The following ATP11A variants were observed in gnomAD, a reference collection of about 807,000 sequenced individuals.
ATP11A encodes the protein phospholipid-transporting ATPase IH.
In ATP11A, 81 loss-of-function variants were observed where a neutral mutation model predicts 154.4. The ratio of observed to expected loss-of-function variants is 0.52; its 90% CI spans 0.44 to 0.63. The LOEUF is 0.63. ATP11A is among the 30% of genes least tolerant of loss of function. The pLI is 0.00. For synonymous variants in ATP11A, 623 were observed against 585.9 expected (o/e 1.06, Z -0.91); for missense variants, 1,316 against 1,474.3 (o/e 0.89, Z 1.76).
At chr13:112,691,483 GGTGTGTGTGT>G (rs58956060) in intron 1 of ATP11A, among the ~76,000 whole-genome samples, 70 of 125,148 alleles carry the variant, frequency 5.6e-4, no homozygotes, top group African/African-American at 1.2e-3. Flanking sequence ...AAAAAAAAAG[GGTGTGTGTGT>G]GTGTGTGTGT....
intron 2 of ATP11A, among the ~76,000 whole-genome samples, chr13:112,794,737 G>A (rs377189840): frequency 1.4e-4 from 22 of 152,084 alleles, no homozygotes; most frequent in Non-Finnish European, 2.1e-4. Context: ...GTGTGGTGGC[G>A]GGCGCCTGTA....
At chr13:112,772,398 G>A (rs1053869128) in intron 1 of ATP11A, among the ~76,000 whole-genome samples, 1 of 152,340 alleles carries the variant, frequency 6.6e-6, no homozygotes, top group Non-Finnish European at 1.5e-5. Flanking sequence ...TGTCGCGAGT[G>A]TGTAGGAAGA....
intron 1 of ATP11A, among the ~76,000 whole-genome samples, chr13:112,740,691 C>T (rs1891459740): frequency 6.6e-6 from 1 of 152,196 alleles, no homozygotes; most frequent in Non-Finnish European, 1.5e-5. Flanking sequence ...GCTCAGTTTT[C>T]ACTGTAACTG....
At chr13:112,817,989 C>T (rs2078689027) in intron 6 of ATP11A, among the ~76,000 whole-genome samples, 1 of 152,230 alleles carries the variant, frequency 6.6e-6, no homozygotes, top group Admixed American at 6.5e-5. Flanking sequence ...ATGGGGACAA[C>T]CCTATCTCTC....
intron 2 of ATP11A, among the ~76,000 whole-genome samples, chr13:112,789,976 G>C (rs1157003624): frequency 2.2e-5 from 3 of 138,110 alleles, no homozygotes; most frequent in East Asian, 2.3e-4. Flanking sequence ...GGGTGTCCTG[G>C]CGTGTAAACC....
intron 8 of ATP11A, 50 bp from the exon 9 acceptor site, chr13:112,823,295 G>A (rs375717586): frequency 2.2e-5 from 33 of 1,481,662 alleles, no homozygotes; most frequent in Non-Finnish European, 3.1e-5. Flanking sequence ...CCCCCGCCCT[G>A]CCCACTTGCC....
intron 12 of ATP11A, 134 bp from the exon 13 acceptor site, chr13:112,831,241 G>A (rs1427873906): frequency 2.0e-6 from 2 of 988,444 alleles, no homozygotes; most frequent in African/African-American, 1.6e-5. Flanking sequence ...TCTGTCTGGG[G>A]GAAAGCCTTT....
At chr13:112,837,938 G>T (rs1168349481) in intron 16 of ATP11A, among the ~76,000 whole-genome samples, 1 of 151,980 alleles carries the variant, frequency 6.6e-6, no homozygotes, top group South Asian at 2.1e-4. Context: ...CTGCTCTGGG[G>T]GGCTGCCGCC....
Position 112,697,540 on chromosome 13 carries a change from C to G in ATP11A, c.39+7085C>G, listed in dbSNP as rs1236786722. On this transcript the variant is annotated intron_variant, in intron 1 of 29. Coordinates refer to ENST00000375645, the MANE Select transcript of ATP11A (RefSeq NM_015205.3). The surrounding 1 kb of genome is among the most constrained non-coding windows in gnomAD (Gnocchi z 4.0). ...TCCAGAGCCAGAGTTCCGAGGGCCT[C>G]CTCATAGTTTTAAAACTCTTTATTT... 6.6e-6 allele frequency among the ~76,000 whole-genome samples: 1 copy of G among 152,076 alleles called. No homozygotes were observed. The highest frequency in any genetic ancestry group is 1.5e-5 in the Non-Finnish European group (1 of 68,010).
At position 112,690,553 on chromosome 13, in the gene ATP11A, C is replaced by A. The variant is rs1204374874; in HGVS notation, c.39+98C>A. On this transcript the variant is annotated intron_variant, in intron 1 of 29. Transcript: ENST00000375645. This position sits in a 1 kb window ranked among gnomAD's most constrained non-coding sequence, Gnocchi z 5.6. ...TGTGGCCGGTCCAGCCCCGGGGTCC[C>A]GGGAGGTCTCCGATGTCTGGGACTC... 2.1e-5 allele frequency: 25 copies of A among 1,167,620 alleles called. No homozygotes were observed. The highest frequency in any genetic ancestry group is 2.6e-5 in the Non-Finnish European group (24 of 925,712). The allele number at this position is 1,167,620 out of a possible 1,614,324, so 72.3% of individuals were successfully genotyped here. A position where few individuals can be genotyped will look rare whatever the true frequency, so the allele number is the denominator to read the frequency against.
chr13:112,842,953 A>T (rs1273147916), intron 17 of ATP11A, among the ~76,000 whole-genome samples: 1 of 152,188 alleles, frequency 6.6e-6, no homozygotes, highest in African/African-American at 2.4e-5. Context: ...GGCCGGCCTG[A>T]GTGTCTCTCA....
chr13:112,863,718 G>A (rs1404799010), intron 25 of ATP11A, among the ~76,000 whole-genome samples: 6 of 107,850 alleles, frequency 5.6e-5, no homozygotes, highest in Non-Finnish European at 5.6e-5. Context: ...TCCCAGCGGG[G>A]TCCATCACCA....
intron 3 of ATP11A, 27 bp from the exon 4 acceptor site, chr13:112,806,186 T>C (rs1251096722): frequency 6.3e-7 from 1 of 1,585,396 alleles, no homozygotes; most frequent in Non-Finnish European, 8.7e-7. Flanking sequence ...TTTTTGAAGA[T>C]GATTTTACAA....
intron 1 of ATP11A, among the ~76,000 whole-genome samples, chr13:112,784,547 A>G (rs145540853): frequency 0.046 from 6,705 of 146,382 alleles, 205 homozygotes; most frequent in Non-Finnish European, 0.069. Context: ...TTTTTGAGAC[A>G]GAGTCTCGCT....
At chr13:112,802,065 C>T (rs1273419501) in intron 2 of ATP11A, among the ~76,000 whole-genome samples, 2 of 152,178 alleles carry the variant, frequency 1.3e-5, no homozygotes. Flanking sequence ...GAAATAGCGG[C>T]TGGGCGTGGC....
intron 5 of ATP11A, among the ~76,000 whole-genome samples, chr13:112,814,997 G>A (rs1340839955): frequency 1.3e-5 from 2 of 152,188 alleles, no homozygotes; most frequent in African/African-American, 2.4e-5. Context: ...TGTGACCATC[G>A]TGTAGTGGGA....
In ATP11A at chr13:112,747,749, T is replaced by C. The variant is rs149229584; in HGVS notation, c.40-37386T>C. Among the ~76,000 whole-genome samples the C allele has an allele frequency of 5.9e-4, 90 of 152,216 alleles. No individual in the cohort carries two copies. In the East Asian group the frequency reaches 0.017, roughly 29 times the overall value. Reference sequence around the variant, plus strand: ...TACTCGGGAGGCTGAGGCAGGAGAATTGCTTGAACCTGGGAGGCGGTGGTT... The same window carrying C: ...TACTCGGGAGGCTGAGGCAGGAGAACTGCTTGAACCTGGGAGGCGGTGGTT... On this transcript the variant is annotated intron_variant, in intron 1 of 29. Transcript: ENST00000375645.
intron 21 of ATP11A, 72 bp from the exon 22 acceptor site, chr13:112,858,070 GTTC>G (rs2079985015): frequency 5.7e-6 from 9 of 1,584,906 alleles, no homozygotes; most frequent in African/African-American, 5.4e-5. Flanking sequence ...GGTTTCATCC[GTTC>G]TTCTCCCCGT....
chr13:112,756,304 A>G (rs2076831524), intron 1 of ATP11A, among the ~76,000 whole-genome samples: 1 of 152,208 alleles, frequency 6.6e-6, no homozygotes, highest in South Asian at 2.1e-4. Flanking sequence ...GGTCATGTCC[A>G]TCGTTGCGGT....
Sources: allele counts gnomAD v4.1 joint callset (sites outside exome capture counted in the v4.1 genomes callset), GRCh38; gene constraint gnomAD v4.1.1; non-coding constraint Gnocchi (gnomAD v3.1); transcripts MANE v1.5; gene names NCBI Gene and HGNC (gene_info 2026-07-23, HGNC 2026-07-21).